SLC24A4: variants seen among roughly 807,000 people sequenced by gnomAD.
SLC24A4 encodes solute carrier family 24 member 4, also known as sodium/potassium/calcium exchanger 4.
SLC24A4 carries 53 observed loss-of-function variants against 79.0 expected under a neutral mutation model. That is an observed-to-expected ratio of 0.67 (90% CI 0.54 to 0.84). The LOEUF is 0.84. Among genes scored for constraint, SLC24A4 ranks in the 40% least tolerant of loss-of-function variants. The probability of loss-of-function intolerance (pLI) is 0.00; values close to 1 mark genes in which losing one functional copy is unlikely to be tolerated. For synonymous variants in SLC24A4, 323 were observed against 323.8 expected (o/e 1.00, Z 0.03); for missense variants, 731 against 822.0 (o/e 0.89, Z 1.35).
intron 16 of SLC24A4, chr14:92,492,966 A>ACACACG (rs1895774723): frequency 9.0e-5 from 6 of 66,526 alleles, no homozygotes; most frequent in Admixed American, 2.5e-4. Flanking sequence ...CCAAACACAC[A>ACACACG]CACACACACA....
chr14:92,422,261 G>A (rs1057091392), intron 2 of SLC24A4, among the ~76,000 whole-genome samples: 5 of 152,204 alleles, frequency 3.3e-5, no homozygotes, highest in African/African-American at 9.7e-5. Context: ...TCCTATTCCT[G>A]GGCCGTCAGT....
intron 2 of SLC24A4, among the ~76,000 whole-genome samples, chr14:92,364,156 CA>C (rs1401449119): frequency 6.6e-6 from 1 of 152,206 alleles, no homozygotes; most frequent in Non-Finnish European, 1.5e-5. Context: ...ATTAGATTAT[CA>C]TTATTAGTGT....
chr14:92,481,558 C>G (rs1895074139), intron 12 of SLC24A4, among the ~76,000 whole-genome samples: 1 of 152,148 alleles, frequency 6.6e-6, no homozygotes, highest in Non-Finnish European at 1.5e-5. Flanking sequence ...TGTTCTGCCC[C>G]CTCTTGTGGC....
chr14:92,463,087 T>C (rs966343247), intron 12 of SLC24A4, among the ~76,000 whole-genome samples: 4 of 152,200 alleles, frequency 2.6e-5, no homozygotes, highest in Non-Finnish European at 4.4e-5. Flanking sequence ...ACATGCTGTC[T>C]TCAGGGCTTG....
At chr14:92,379,448 A>G (rs920142029) in intron 2 of SLC24A4, among the ~76,000 whole-genome samples, 52 of 152,164 alleles carry the variant, frequency 3.4e-4, no homozygotes, top group Admixed American at 3.2e-3. Context: ...GGTCTGAGAC[A>G]GGCCTGGCAG....
At chr14:92,491,820 G>A (rs1566808835) in intron 15 of SLC24A4, 43 bp downstream of exon 15, 1 of 1,510,852 alleles carries the variant, frequency 6.6e-7, no homozygotes. Context: ...TACCCAGAAG[G>A]CTAGTGGTGT....
In SLC24A4 at chr14:92,492,468, G is replaced by A. The variant is rs536292169; in HGVS notation, c.1716+228G>A. Among the ~76,000 whole-genome samples, 6 of 152,214 alleles carry A rather than the reference G, an allele frequency of 3.9e-5. No homozygotes were observed. The East Asian group carries it at 7.8e-4, about 20-fold the overall frequency. ...TACATAAGAAGTCCCCAGAGGAAGC[G>A]AATTGCATTTCCTTTCTTGCTGCCT... On this transcript the variant is annotated intron_variant, in intron 16 of 16. Transcript: ENST00000532405.
At chr14:92,365,181 C>T (rs1297734736) in intron 2 of SLC24A4, among the ~76,000 whole-genome samples, 2 of 152,280 alleles carry the variant, frequency 1.3e-5, no homozygotes, top group South Asian at 2.1e-4. Flanking sequence ...GCCCGGAGGG[C>T]AAGGACTGTG....
rs1479333151 is a variant in SLC24A4, at chr14:92,400,099, T to C, written c.242-33813T>C. Reference sequence around the variant, plus strand: ...AGTACCAGTATGTTAGAATTGGTGGTGTTCTGTTAATCATCTGTAATTACA... The same window carrying C: ...AGTACCAGTATGTTAGAATTGGTGGCGTTCTGTTAATCATCTGTAATTACA... On this transcript the variant is annotated intron_variant, in intron 2 of 16. Transcript: ENST00000532405. Among the ~76,000 whole-genome samples the C allele has an allele frequency of 3.3e-5, 5 of 152,246 alleles. No homozygotes were observed. In the East Asian group the frequency reaches 9.7e-4, roughly 29 times the overall value.
At chr14:92,466,661 G>A (rs557009909) in intron 12 of SLC24A4, among the ~76,000 whole-genome samples, 10 of 152,174 alleles carry the variant, frequency 6.6e-5, no homozygotes, top group East Asian at 1.9e-4. Flanking sequence ...TGTTTAGATC[G>A]AATCTATGAG....
At chr14:92,405,627 TGAAGGA>T (rs1219209819) in intron 2 of SLC24A4, among the ~76,000 whole-genome samples, 1 of 151,668 alleles carries the variant, frequency 6.6e-6, no homozygotes. Context: ...TGGCAGAAGG[TGAAGGA>T]GAAGGAAGCA....
intron 2 of SLC24A4, among the ~76,000 whole-genome samples, chr14:92,427,095 CA>C (rs1244764588): frequency 6.6e-6 from 1 of 152,318 alleles, no homozygotes; most frequent in Middle Eastern, 3.4e-3. Context: ...ACATCTCTGT[CA>C]AAAATGTTCT....
At chr14:92,412,261 G>A (rs965512904) in intron 2 of SLC24A4, among the ~76,000 whole-genome samples, 18 of 152,058 alleles carry the variant, frequency 1.2e-4, no homozygotes, top group African/African-American at 3.4e-4. Context: ...TACCCGAAAC[G>A]CATCTATAGT....
In SLC24A4 at chr14:92,345,702, GA is replaced by G. The variant is rs11421020; in HGVS notation, c.241+19736del. On this transcript the variant is annotated intron_variant, in intron 2 of 16. Coordinates refer to ENST00000532405, the MANE Select transcript of SLC24A4 (RefSeq NM_153646.4). ...GGGTGACAGAGCAAGCCTCCATCTAGAAAAAAAAAAAAGTTGCATAGCATTT... is the reference window on the plus strand; with the variant it reads ...GGGTGACAGAGCAAGCCTCCATCTAGAAAAAAAAAAAGTTGCATAGCATTT... Among the ~76,000 whole-genome samples the G allele has an allele frequency of 8.5e-3, 1,222 of 143,652 alleles. 5 individuals are homozygous for G. The highest frequency in any genetic ancestry group is 0.013 in the Non-Finnish European group (836 of 65,174). 94.2% of individuals were successfully genotyped at this position (143,652 alleles called of 152,430 possible).
chr14:92,408,411 A>G, intron 2 of SLC24A4: 1 of 985,420 alleles, frequency 1.0e-6, no homozygotes, highest in Non-Finnish European at 1.2e-6. Flanking sequence ...ACTGCAGCTA[A>G]AGCTCTCCTA....
intron 12 of SLC24A4, among the ~76,000 whole-genome samples, chr14:92,465,669 A>G (rs1003286293): frequency 3.3e-5 from 5 of 152,010 alleles, no homozygotes; most frequent in Admixed American, 6.5e-5. Context: ...GGAAGCATAC[A>G]CAGGATCCCT....
chr14:92,355,402 C>T (rs1887120931), intron 2 of SLC24A4, among the ~76,000 whole-genome samples: 2 of 152,196 alleles, frequency 1.3e-5, no homozygotes, highest in Non-Finnish European at 2.9e-5. Flanking sequence ...ATACTGACAA[C>T]AGCCCAGTGA....
chr14:92,489,929 A>G (rs1895590314), intron 14 of SLC24A4, among the ~76,000 whole-genome samples: 1 of 152,188 alleles, frequency 6.6e-6, no homozygotes. Context: ...CTTACCGGAC[A>G]CTGACAGACC....
intron 2 of SLC24A4, among the ~76,000 whole-genome samples, chr14:92,349,965 A>G (rs1056394679): frequency 1.2e-4 from 19 of 152,114 alleles, no homozygotes; most frequent in African/African-American, 4.6e-4. Flanking sequence ...TGGGGCAGAC[A>G]CTCACCGCCT....
Sources: allele counts gnomAD v4.1 joint callset (sites outside exome capture counted in the v4.1 genomes callset), GRCh38; gene constraint gnomAD v4.1.1; transcripts MANE v1.5; gene names NCBI Gene and HGNC (gene_info 2026-07-23, HGNC 2026-07-21).